The following NRXN3 variants were observed in gnomAD, a reference collection of about 807,000 sequenced individuals.
NRXN3 encodes neurexin 3, also known as neurexin III.
Under a neutral mutation model 137.6 loss-of-function variants are expected in NRXN3, and 32 were observed. The observed-to-expected ratio is 0.23, with a 90% CI of 0.18 to 0.31. The LOEUF (loss-of-function observed/expected upper bound fraction) is 0.31. Among genes scored for constraint, NRXN3 ranks in the 10% least tolerant of loss-of-function variants. NRXN3 has a pLI of 1.00. For missense variants in NRXN3, 1,574 were observed against 2,062.5 expected (o/e 0.76, Z 4.59); for synonymous variants, 798 against 784.5 (o/e 1.02, Z -0.29).
At chr14:78,470,663 G>C (rs763768261) in intron 4 of NRXN3, among the ~76,000 whole-genome samples, 11 of 152,044 alleles carry the variant, frequency 7.2e-5, no homozygotes, top group Non-Finnish European at 1.3e-4. Context: ...GAATACAATA[G>C]ATAAATAGTA....
At chr14:78,667,851 T>C (rs1025576143) in intron 6 of NRXN3, among the ~76,000 whole-genome samples, 1 of 152,152 alleles carries the variant, frequency 6.6e-6, no homozygotes, top group Non-Finnish European at 1.5e-5. Context: ...TGGTGTGATA[T>C]CAGCTCACTG....
intron 10 of NRXN3, among the ~76,000 whole-genome samples, chr14:78,815,949 T>C (rs1274840975): frequency 2.0e-5 from 3 of 152,192 alleles, no homozygotes; most frequent in Non-Finnish European, 4.4e-5. Flanking sequence ...CAAGAGCCTA[T>C]GTATCATAAT....
rs74606901 is a variant in NRXN3 at position 79,567,980 on chromosome 14, A to G, written c.3445-95798A>G. 6.1e-3 allele frequency among the ~76,000 whole-genome samples: 923 copies of G among 152,298 alleles called. 5 individuals carry two copies. The highest frequency in any genetic ancestry group is 7.0e-3 in the East Asian group (36 of 5,172). On this transcript the variant is annotated intron_variant, in intron 16 of 20. Transcript: ENST00000335750. ...TATAAGTAGATCCCTCTAAGGATCT[A>G]TCCTATTCTGGAGCCATTCCAAAAC...
intron 15 of NRXN3, among the ~76,000 whole-genome samples, chr14:79,017,776 A>G (rs953164950): frequency 6.6e-6 from 1 of 152,144 alleles, no homozygotes; most frequent in African/African-American, 2.4e-5. Flanking sequence ...ACTTCTCTCC[A>G]CAGAAGCACC....
At chr14:78,481,169 C>T (rs933885865) in intron 4 of NRXN3, among the ~76,000 whole-genome samples, 5 of 152,118 alleles carry the variant, frequency 3.3e-5, no homozygotes, top group Non-Finnish European at 5.9e-5. Flanking sequence ...TTAACTAAAA[C>T]TCAGAGTCCA....
intron 3 of NRXN3, among the ~76,000 whole-genome samples, chr14:78,292,778 G>A (rs1265127686): frequency 6.6e-6 from 1 of 152,122 alleles, no homozygotes; most frequent in Non-Finnish European, 1.5e-5. Context: ...GCTTCCATGA[G>A]CCCCCGTTTT....
chr14:79,308,653 A>C (rs181361151), intron 15 of NRXN3, among the ~76,000 whole-genome samples: 3 of 151,990 alleles, frequency 2.0e-5, no homozygotes, highest in Non-Finnish European at 2.9e-5. Flanking sequence ...TTCCAGAAAG[A>C]TTTGATGTCT....
chr14:79,061,691 C>T (rs550527768), intron 15 of NRXN3, among the ~76,000 whole-genome samples: 19 of 152,290 alleles, frequency 1.2e-4, no homozygotes, highest in South Asian at 2.1e-4. Flanking sequence ...ACAAGGTCTA[C>T]GGCATCAAGG....
At chr14:79,200,083 A>G (rs1223464972) in intron 15 of NRXN3, 2 of 152,212 alleles carry the variant, frequency 1.3e-5, no homozygotes, top group Admixed American at 1.3e-4. Flanking sequence ...AAGAGAATTA[A>G]GATATCAATG....
chr14:78,529,161 G>T (rs2096424473), intron 4 of NRXN3, among the ~76,000 whole-genome samples: 1 of 152,182 alleles, frequency 6.6e-6, no homozygotes, highest in Non-Finnish European at 1.5e-5. Flanking sequence ...GGAAAAAAGT[G>T]TAGCGTCCTT....
chr14:78,277,206 C>T (rs2073729653), intron 2 of NRXN3, among the ~76,000 whole-genome samples: 1 of 152,166 alleles, frequency 6.6e-6, no homozygotes, highest in Non-Finnish European at 1.5e-5. Flanking sequence ...CACACTGGAG[C>T]TTTACAAATC....
At chr14:78,432,819 A>C (rs1335011936) in intron 4 of NRXN3, among the ~76,000 whole-genome samples, 2 of 152,176 alleles carry the variant, frequency 1.3e-5, no homozygotes, top group African/African-American at 4.8e-5. Context: ...GGCAGTAAGG[A>C]GTGGAGAAAA....
chr14:79,797,164 T>G (rs576494370), intron 19 of NRXN3, among the ~76,000 whole-genome samples: 4 of 152,318 alleles, frequency 2.6e-5, no homozygotes, highest in Admixed American at 6.5e-5. Context: ...AATTCAGTTT[T>G]AGAGAGCTCT....
chr14:78,800,066 C>G (rs1408634888), intron 8 of NRXN3, among the ~76,000 whole-genome samples: 1 of 152,124 alleles, frequency 6.6e-6, no homozygotes, highest in Non-Finnish European at 1.5e-5. Flanking sequence ...TAATATATAA[C>G]TTTAATGAAT....
intron 9 of NRXN3, among the ~76,000 whole-genome samples, chr14:78,807,785 GAA>G (rs75695624): frequency 0.011 from 105 of 9,990 alleles, 1 homozygote; most frequent in South Asian, 0.048. Flanking sequence ...GAGAAAGAAA[GAA>G]AAAAACTTTC....
intron 8 of NRXN3, among the ~76,000 whole-genome samples, chr14:78,798,877 A>G (rs2153071051): frequency 6.6e-6 from 1 of 152,322 alleles, no homozygotes; most frequent in South Asian, 2.1e-4. Flanking sequence ...CCTTTTAGCC[A>G]TAGCGTGAGT....
chr14:79,631,170 C>T (rs2098340756), intron 16 of NRXN3, among the ~76,000 whole-genome samples: 1 of 152,248 alleles, frequency 6.6e-6, no homozygotes, highest in African/African-American at 2.4e-5. Context: ...TGTCCTCATG[C>T]ATGTCATACT....
chr14:78,190,314 C>T (rs2060596887), intron 1 of NRXN3, among the ~76,000 whole-genome samples: 2 of 152,130 alleles, frequency 1.3e-5, no homozygotes, highest in Admixed American at 1.3e-4. Flanking sequence ...ATGTGCATTG[C>T]AAAATAACAA....
At chr14:78,174,299 C>G (rs867019721) in intron 1 of NRXN3, among the ~76,000 whole-genome samples, 3 of 152,270 alleles carry the variant, frequency 2.0e-5, no homozygotes, top group African/African-American at 7.2e-5. Flanking sequence ...CCCCCTCCCC[C>G]ATACACATGT....
Sources: allele counts gnomAD v4.1 joint callset (sites outside exome capture counted in the v4.1 genomes callset), GRCh38; gene constraint gnomAD v4.1.1; transcripts MANE v1.5; gene names NCBI Gene and HGNC (gene_info 2026-07-23, HGNC 2026-07-21).